The following NRXN3 variants were observed in gnomAD, a reference collection of about 807,000 sequenced individuals.
NRXN3 encodes the protein neurexin III.
NRXN3 carries 32 observed loss-of-function variants against 137.6 expected under a neutral mutation model. That is an observed-to-expected ratio of 0.23 (90% CI 0.18 to 0.31). The LOEUF is 0.31. Among genes scored for constraint, NRXN3 ranks in the 10% least tolerant of loss-of-function variants. The pLI is 1.00. For missense variants in NRXN3, 1,574 were observed against 2,062.5 expected, an observed-to-expected ratio of 0.76 and a Z score of 4.59; for synonymous variants, 798 against 784.5, an observed-to-expected ratio of 1.02 and a Z score of -0.29.
At chr14:78,530,051 G>A (rs967224756) in intron 4 of NRXN3, among the ~76,000 whole-genome samples, 3 of 152,122 alleles carry the variant, frequency 2.0e-5, no homozygotes, top group Admixed American at 6.5e-5. Flanking sequence ...AATTCACATA[G>A]GAATTTTCAA....
At chr14:78,849,218 C>A (rs191689911) in intron 10 of NRXN3, among the ~76,000 whole-genome samples, 6 of 152,024 alleles carry the variant, frequency 3.9e-5, no homozygotes, top group Non-Finnish European at 1.5e-5. Context: ...TCTCTTTGAC[C>A]ATTTTTCCCA....
chr14:79,314,224 G>A (rs1166487905), intron 15 of NRXN3: 9 of 137,236 alleles, frequency 6.6e-5, no homozygotes, highest in South Asian at 2.6e-4. Context: ...TGCGCGAGCC[G>A]AAGCAGGGCG....
chr14:78,354,288 C>G (rs962763841), intron 4 of NRXN3, among the ~76,000 whole-genome samples: 1 of 152,090 alleles, frequency 6.6e-6, no homozygotes, highest in Admixed American at 6.5e-5. Flanking sequence ...GCCATAGGAC[C>G]CAAAGCAGCC....
rs35212594 is a variant in NRXN3 at position 78,624,831 on chromosome 14, GTT to G, written c.758-20287_758-20286del. Among the ~76,000 whole-genome samples, 1,253 of 124,650 alleles carry G rather than the reference GTT, an allele frequency of 0.01. 73 individuals carry two copies. The East Asian group carries it at 0.18, about 18-fold the overall frequency. The allele number at this position is 124,650 out of a possible 152,430, so 81.8% of individuals were successfully genotyped here. ...CCTTTGTGTGTGTGTGTGTGTGTGT[GTT>G]TGTTTGTTTGTTTGTTTGTTTGTTT... On this transcript the variant is annotated intron_variant, in intron 4 of 20. Transcript: ENST00000335750.
At chr14:78,481,727 TTC>T (rs1170963305) in intron 4 of NRXN3, among the ~76,000 whole-genome samples, 2 of 152,204 alleles carry the variant, frequency 1.3e-5, no homozygotes, top group African/African-American at 4.8e-5. Flanking sequence ...TATGAATACT[TTC>T]TATGGAGAAA....
chr14:79,086,717 T>C (rs1399037404), intron 15 of NRXN3, among the ~76,000 whole-genome samples: 1 of 152,128 alleles, frequency 6.6e-6, no homozygotes, highest in East Asian at 1.9e-4. Flanking sequence ...TTCTTTTTAT[T>C]CGCTTTCCTA....
At chr14:79,845,586 G>A (rs2099365581) in intron 20 of NRXN3, among the ~76,000 whole-genome samples, 2 of 57,728 alleles carry the variant, frequency 3.5e-5, no homozygotes, top group Admixed American at 3.7e-4. Context: ...GACCCAGAGA[G>A]ACAGAGAGAG....
intron 15 of NRXN3, among the ~76,000 whole-genome samples, chr14:79,331,411 A>G (rs535611531): frequency 1.2e-4 from 19 of 152,204 alleles, no homozygotes; most frequent in Non-Finnish European, 2.5e-4. Flanking sequence ...CTATAAACCC[A>G]GAAAAATACT....
chr14:78,671,910 T>A (rs1464674655), intron 6 of NRXN3, among the ~76,000 whole-genome samples: 1 of 152,226 alleles, frequency 6.6e-6, no homozygotes, highest in African/African-American at 2.4e-5. Flanking sequence ...ATCAATTCAG[T>A]TGAGTTCAAT....
intron 15 of NRXN3, among the ~76,000 whole-genome samples, chr14:79,297,256 A>T (rs2084340189): frequency 6.6e-6 from 1 of 152,122 alleles, no homozygotes; most frequent in African/African-American, 2.4e-5. Flanking sequence ...ATTAATATCC[A>T]TTTCCTAAGT....
At chr14:79,281,430 G>C (rs1347762027) in intron 15 of NRXN3, among the ~76,000 whole-genome samples, 1 of 152,156 alleles carries the variant, frequency 6.6e-6, no homozygotes, top group African/African-American at 2.4e-5. Context: ...CTCTAAAAGG[G>C]CGATGTCTGC....
At chr14:79,531,376 C>G (rs562663256) in intron 16 of NRXN3, among the ~76,000 whole-genome samples, 52 of 152,210 alleles carry the variant, frequency 3.4e-4, no homozygotes, top group Middle Eastern at 3.4e-3. Flanking sequence ...CAAAATTAAT[C>G]TAAATCAACT....
In NRXN3 at chr14:78,971,447, C is replaced by T. The variant is rs61546988; in HGVS notation, c.3142+3101C>T. Among the ~76,000 whole-genome samples the T allele has an allele frequency of 5.0e-3, 758 of 151,540 alleles. 6 individuals are homozygous for T. The highest frequency in any genetic ancestry group is 0.017 in the African/African-American group (712 of 41,456). Reference sequence around the variant, plus strand: ...AAACATATATATATATATATACACACACACACACAGATAGATAAGTATCTG... The same window carrying T: ...AAACATATATATATATATATACACATACACACACAGATAGATAAGTATCTG... On this transcript the variant is annotated intron_variant, in intron 14 of 20. Transcript: ENST00000335750.
At chr14:79,373,968 A>C (rs1411029319) in intron 15 of NRXN3, among the ~76,000 whole-genome samples, 2 of 152,162 alleles carry the variant, frequency 1.3e-5, no homozygotes, top group African/African-American at 4.8e-5. Context: ...GGTAACAGGA[A>C]AATGTCCCTC....
chr14:79,073,133 C>T (rs1204379683), intron 15 of NRXN3, among the ~76,000 whole-genome samples: 1 of 152,104 alleles, frequency 6.6e-6, no homozygotes, highest in Non-Finnish European at 1.5e-5. Context: ...GTGATCCACT[C>T]GCCTCCGCCT....
At position 79,487,702 on chromosome 14, in the gene NRXN3, G is replaced by C. The variant is rs776318714; in HGVS notation, c.3444+20300G>C. ...TCTGTCTGAATTCTCAGTTGTGTGA[G>C]AGCCTGTGTTACAACCTTAGTAGCT... On this transcript the variant is annotated intron_variant, in intron 16 of 20. Coordinates refer to ENST00000335750, the MANE Select transcript of NRXN3 (RefSeq NM_001330195.2). Among the ~76,000 whole-genome samples the C allele has an allele frequency of 1.8e-4, 27 of 146,218 alleles. No homozygotes were observed. The Middle Eastern group carries it at 0.02, about 111-fold the overall frequency.
chr14:78,879,108 G>GT (rs1323202815), intron 10 of NRXN3, among the ~76,000 whole-genome samples: 1 of 152,030 alleles, frequency 6.6e-6, no homozygotes, highest in African/African-American at 2.4e-5. Flanking sequence ...CCATTTATGT[G>GT]TCGATGAACA....
At chr14:79,540,482 T>C (rs1406082749) in intron 16 of NRXN3, among the ~76,000 whole-genome samples, 1 of 152,164 alleles carries the variant, frequency 6.6e-6, no homozygotes, top group Admixed American at 6.6e-5. Flanking sequence ...ACAATATTTT[T>C]ATCCCTAGTC....
intron 15 of NRXN3, among the ~76,000 whole-genome samples, chr14:79,071,814 A>C (rs889825689): frequency 2.6e-5 from 4 of 152,194 alleles, no homozygotes; most frequent in African/African-American, 9.7e-5. Flanking sequence ...CAAAATAACT[A>C]AAAAAGCATA....
Sources: gnomAD v4.1 joint callset for allele counts (sites outside exome capture counted in the v4.1 genomes callset) on GRCh38, gnomAD v4.1.1 for gene constraint, MANE v1.5 for transcripts, NCBI Gene and HGNC (gene_info 2026-07-23, HGNC 2026-07-21) for gene names.